Variants in ENTREP2 observed in about 807,000 individuals in gnomAD.
ENTREP2 encodes the protein endosomal transmembrane epsin interactor 2.
the ENTREP2 span, among the ~76,000 whole-genome samples, chr15:29,476,520 T>C: frequency 6.6e-6 from 1 of 152,126 alleles, no homozygotes; most frequent in Non-Finnish European, 1.5e-5. Context: ...AAAGGACACA[T>C]CCCTCTTCGT....
chr15:29,674,257 G>A, the ENTREP2 span, among the ~76,000 whole-genome samples: 2 of 152,090 alleles, frequency 1.3e-5, no homozygotes, highest in Admixed American at 1.3e-4. Flanking sequence ...CTGATGGGCA[G>A]AGTTGTTTTT....
At chr15:29,343,154 T>C in the ENTREP2 span, among the ~76,000 whole-genome samples, 1 of 152,096 alleles carries the variant, frequency 6.6e-6, no homozygotes, top group Non-Finnish European at 1.5e-5. Flanking sequence ...ATGTTCTTAT[T>C]TGTTTATATT....
the ENTREP2 span, among the ~76,000 whole-genome samples, chr15:29,428,571 A>C: frequency 2.0e-5 from 3 of 152,196 alleles, no homozygotes; most frequent in African/African-American, 7.2e-5. Context: ...TTCCCAAAAA[A>C]AAAAAAGTAA....
the ENTREP2 span, among the ~76,000 whole-genome samples, chr15:29,566,611 C>T: frequency 3.3e-5 from 5 of 152,086 alleles, no homozygotes; most frequent in Admixed American, 6.6e-5. Flanking sequence ...TGCCCACCAT[C>T]ACACCTGACT....
chr15:29,413,645 G>A, the ENTREP2 span, among the ~76,000 whole-genome samples: 6 of 152,040 alleles, frequency 3.9e-5, no homozygotes, highest in African/African-American at 1.2e-4. Flanking sequence ...ACATACGTAC[G>A]GTATTTTGCT....
the ENTREP2 span, among the ~76,000 whole-genome samples, chr15:29,318,997 C>T: frequency 0.012 from 1,848 of 152,226 alleles, 35 homozygotes; most frequent in African/African-American, 0.042. Context: ...TTAAAAGCAA[C>T]GATTAACTGT....
At chr15:29,570,454 C>G in the ENTREP2 span, 1 of 1,163,410 alleles carries the variant, frequency 8.6e-7, no homozygotes, top group Non-Finnish European at 1.1e-6. Flanking sequence ...CCTAGCCCCC[C>G]CGGCCCGCGC....
the ENTREP2 span, among the ~76,000 whole-genome samples, chr15:29,426,088 G>A: frequency 6.6e-6 from 1 of 151,478 alleles, no homozygotes; most frequent in Non-Finnish European, 1.5e-5. Flanking sequence ...TTAATAACAA[G>A]TAAAGGTATT....
chr15:29,157,137 G>A, the ENTREP2 span, among the ~76,000 whole-genome samples: 1 of 152,048 alleles, frequency 6.6e-6, no homozygotes, highest in Non-Finnish European at 1.5e-5. Flanking sequence ...AAGTGGTCTG[G>A]GACATGTGGA....
At chr15:29,320,104 A>G in the ENTREP2 span, among the ~76,000 whole-genome samples, 4 of 152,144 alleles carry the variant, frequency 2.6e-5, no homozygotes, top group Non-Finnish European at 5.9e-5. Context: ...TGTCTCACCT[A>G]AGGCAGGAAT....
chr15:29,343,605 CCTCT>C, the ENTREP2 span, among the ~76,000 whole-genome samples: 1 of 151,576 alleles, frequency 6.6e-6, no homozygotes, highest in Non-Finnish European at 1.5e-5. Context: ...TTTCTCTCTC[CCTCT>C]CTGTCTCTTC....
At chr15:29,301,084 T>C in the ENTREP2 span, among the ~76,000 whole-genome samples, 3 of 146,708 alleles carry the variant, frequency 2.0e-5, no homozygotes, top group African/African-American at 8.0e-5. Flanking sequence ...TTTAGCACTT[T>C]TCTGCAAAGT....
chr15:29,587,399 C>G, the ENTREP2 span, among the ~76,000 whole-genome samples: 1 of 152,066 alleles, frequency 6.6e-6, no homozygotes, highest in East Asian at 1.9e-4. Context: ...CAGGAGCCCA[C>G]TTTAGATGTT....
the ENTREP2 span, among the ~76,000 whole-genome samples, chr15:29,388,265 A>C: frequency 6.8e-4 from 103 of 152,330 alleles, no homozygotes; most frequent in African/African-American, 2.4e-3. Context: ...ACTCAAACAA[A>C]TTTACAAGAA....
At chr15:29,124,763 T>G in the ENTREP2 span, 1 of 1,550,368 alleles carries the variant, frequency 6.5e-7, no homozygotes, top group Non-Finnish European at 8.7e-7. Context: ...AGGCATCGCC[T>G]TAACCAGAAG....
chr15:29,451,820 T>C, the ENTREP2 span, among the ~76,000 whole-genome samples: 5 of 152,232 alleles, frequency 3.3e-5, no homozygotes. Flanking sequence ...AAGCCTAGCT[T>C]GGAGGCAACG....
chr15:29,402,265 T>TATATATATATACAC, the ENTREP2 span, among the ~76,000 whole-genome samples: 3 of 137,792 alleles, frequency 2.2e-5, no homozygotes, highest in Non-Finnish European at 4.8e-5. Context: ...TATATATATA[T>TATATATATATACAC]ACACACACAT....
At chr15:29,484,150 A>G in the ENTREP2 span, among the ~76,000 whole-genome samples, 1 of 152,226 alleles carries the variant, frequency 6.6e-6, no homozygotes, top group Non-Finnish European at 1.5e-5. Context: ...ATATAGGTTG[A>G]AAGCAAATAG....
the ENTREP2 span, among the ~76,000 whole-genome samples, chr15:29,257,361 C>T: frequency 8.8e-3 from 1,343 of 152,326 alleles, 6 homozygotes; most frequent in Non-Finnish European, 0.014. Flanking sequence ...GCGTGAGCCA[C>T]CGCGCCAGGC....
Sources: allele counts gnomAD v4.1 joint callset (sites outside exome capture counted in the v4.1 genomes callset), GRCh38; gene constraint gnomAD v4.1.1; transcripts MANE v1.5; gene names NCBI Gene and HGNC (gene_info 2026-07-23, HGNC 2026-07-21).